The following FCHO2 variants were observed in gnomAD, a reference collection of about 807,000 sequenced individuals.
The protein encoded by FCHO2 is F-BAR domain only protein 2.
A neutral mutation model predicts 114.1 loss-of-function variants in FCHO2; 43 were observed. That is an observed-to-expected ratio of 0.38 (90% confidence interval 0.30 to 0.49). The LOEUF is 0.49. Ranked by LOEUF, FCHO2 falls within the 20% of genes least tolerant of loss-of-function variation. FCHO2 has a pLI of 0.97. For missense variants in FCHO2, 807 were observed against 950.4 expected, an observed-to-expected ratio of 0.85 and a Z score of 1.98; for synonymous variants, 293 against 315.2, an observed-to-expected ratio of 0.93 and a Z score of 0.75.
chr5:73,033,754 A>G (rs1262941490), intron 8 of FCHO2, among the ~76,000 whole-genome samples: 2 of 152,190 alleles, frequency 1.3e-5, no homozygotes, highest in African/African-American at 4.8e-5. Flanking sequence ...CTTCTGGGAT[A>G]TTTCATTAGG....
intron 2 of FCHO2, 43 bp downstream of exon 2, chr5:72,968,632 G>A: frequency 7.5e-7 from 1 of 1,325,500 alleles, no homozygotes; most frequent in Non-Finnish European, 1.0e-6. Context: ...CAACTTAATA[G>A]CAATTTAAAT....
chr5:72,987,745 C>T (rs1434801864), intron 2 of FCHO2, among the ~76,000 whole-genome samples: 1 of 152,106 alleles, frequency 6.6e-6, no homozygotes, highest in Non-Finnish European at 1.5e-5. Flanking sequence ...AAGTATTACT[C>T]TTGTAGTAAT....
At chr5:73,048,592 T>C (rs1232638934) in intron 11 of FCHO2, among the ~76,000 whole-genome samples, 1 of 152,214 alleles carries the variant, frequency 6.6e-6, no homozygotes, top group Non-Finnish European at 1.5e-5. Context: ...CTTGGACATT[T>C]AGGTAATTTC....
intron 1 of FCHO2, among the ~76,000 whole-genome samples, chr5:72,961,310 A>G (rs549798414): frequency 2.0e-5 from 3 of 152,286 alleles, no homozygotes; most frequent in Admixed American, 1.3e-4. Flanking sequence ...TTTAAAATAT[A>G]TATCTTTAGC....
chr5:73,085,478 G>A (rs1045234532), intron 24 of FCHO2, among the ~76,000 whole-genome samples: 2 of 151,704 alleles, frequency 1.3e-5, no homozygotes, highest in African/African-American at 2.4e-5. Flanking sequence ...TCAAGCCTTT[G>A]AAAAGAATAT....
intron 23 of FCHO2, 49 bp from the exon 24 acceptor site, chr5:73,082,712 C>T: frequency 7.0e-7 from 1 of 1,420,936 alleles, no homozygotes; most frequent in Non-Finnish European, 9.6e-7. Context: ...ATTCATGTAT[C>T]AGGTACTATA....
At chr5:73,084,036 C>T (rs978327928) in intron 24 of FCHO2, among the ~76,000 whole-genome samples, 9 of 152,106 alleles carry the variant, frequency 5.9e-5, no homozygotes, top group South Asian at 2.1e-4. Flanking sequence ...AGTTATGCTT[C>T]TCTCACTAAG....
intron 5 of FCHO2, among the ~76,000 whole-genome samples, chr5:73,004,709 G>T (rs1561440410): frequency 6.6e-6 from 1 of 152,066 alleles, no homozygotes; most frequent in Non-Finnish European, 1.5e-5. Context: ...GGTCAGATGG[G>T]TAGTGCAGTG....
chr5:73,065,704 T>TG (rs1258710852), intron 18 of FCHO2, among the ~76,000 whole-genome samples: 2 of 152,082 alleles, frequency 1.3e-5, no homozygotes, highest in African/African-American at 4.8e-5. Flanking sequence ...GTTTTCTACT[T>TG]GCAAATATCT....
rs1248574306 is a variant in FCHO2, at chr5:73,054,417, A to G, written c.1186-108A>G. On this transcript the variant is annotated intron_variant, in intron 14 of 25. Coordinates refer to ENST00000430046, the MANE Select transcript of FCHO2 (RefSeq NM_138782.3). The stretch of plus-strand genomic sequence containing the variant: ...GTAAATACACTTTACAATTGAGCAG[A>G]TATACTAAAAACAACATAAAATTAG... 1.4e-5 allele frequency: 14 copies of G among 1,001,918 alleles called. No individual in the cohort carries two copies. The Admixed American group carries it at 3.0e-4, about 22-fold the overall frequency. 62.1% of individuals were successfully genotyped at this position (1,001,918 alleles called of 1,614,324 possible).
In FCHO2 at chr5:73,023,688, G is replaced by A. The variant is rs377161569; in HGVS notation, c.796+6380G>A. Among the ~76,000 whole-genome samples the A allele has an allele frequency of 1.7e-3, 248 of 147,884 alleles. 1 individual carries two copies. Among genetic ancestry groups the A allele is most frequent in the African/African-American group, 5.8e-3 (233 of 40,324 alleles). On this transcript the variant is annotated intron_variant, in intron 8 of 25. Coordinates refer to ENST00000430046, the MANE Select transcript of FCHO2 (RefSeq NM_138782.3). The stretch of plus-strand genomic sequence containing the variant: ...GCACTCCAGCCTAGGCAACAAGAGC[G>A]AAACTCCATCTCAAAAAAAAAAAAA...
In FCHO2 at chr5:73,020,635, G is replaced by A. The variant is rs1450659213; in HGVS notation, c.796+3327G>A. On this transcript the variant is annotated intron_variant, in intron 8 of 25. Transcript: ENST00000430046. ...GGGTTGGAGGTGGGGTTGGTAGAAG[G>A]AGGACTTTCAAGTTCCAGTTATTAA... The A allele has an allele frequency of 3.5e-6, 3 of 853,810 alleles. No individual in the cohort carries two copies. The Admixed American group carries it at 5.5e-5, about 16-fold the overall frequency. 52.9% of individuals were successfully genotyped at this position (853,810 alleles called of 1,614,324 possible).
chr5:73,049,676 T>C (rs983917249), intron 11 of FCHO2, among the ~76,000 whole-genome samples: 4 of 152,220 alleles, frequency 2.6e-5, no homozygotes, highest in African/African-American at 4.8e-5. Flanking sequence ...TTTCAACTTA[T>C]GGGAATTTTA....
intron 6 of FCHO2, among the ~76,000 whole-genome samples, chr5:73,008,383 A>G (rs990197310): frequency 1.3e-5 from 2 of 152,152 alleles, no homozygotes; most frequent in African/African-American, 4.8e-5. Context: ...AAGTGAATGC[A>G]TTGGAGATGG....
chr5:73,037,430 A>G (rs926009956), intron 10 of FCHO2, among the ~76,000 whole-genome samples: 1 of 152,050 alleles, frequency 6.6e-6, no homozygotes, highest in Admixed American at 6.6e-5. Flanking sequence ...ATGTTAAGAC[A>G]TTATAGACAA....
rs890743143 is a variant in FCHO2 at position 73,090,383 on chromosome 5, T to C, written c.*2293T>C. ...TCTAATAAATGTGAGTTTTAAAGGA[T>C]TGTTATTTACTACTTTGGATTGTAA... is the stretch of plus-strand genomic sequence containing the variant. On this transcript the variant is annotated 3_prime_UTR_variant, in exon 26 of 26. Transcript: ENST00000430046. The C allele has an allele frequency of 6.6e-5, 10 of 152,640 alleles. No individual in the cohort carries two copies. The highest frequency in any genetic ancestry group is 2.0e-4 in the Admixed American group (3 of 15,282). The allele number at this position is 152,640 out of a possible 1,614,324, so 9.5% of individuals were successfully genotyped here.
chr5:72,961,287 A>G (rs570964777), intron 1 of FCHO2, among the ~76,000 whole-genome samples: 1 of 152,282 alleles, frequency 6.6e-6, no homozygotes, highest in South Asian at 2.1e-4. Flanking sequence ...GGGGTTATGT[A>G]TCCATATGAA....
chr5:73,032,166 C>A (rs970675698), intron 8 of FCHO2, among the ~76,000 whole-genome samples: 2 of 152,102 alleles, frequency 1.3e-5, no homozygotes, highest in Admixed American at 6.5e-5. Context: ...AAAGCCTTGC[C>A]ATGTGAAGCG....
chr5:73,083,251 CT>C (rs1163696854), intron 24 of FCHO2, among the ~76,000 whole-genome samples: 1 of 152,036 alleles, frequency 6.6e-6, no homozygotes, highest in Non-Finnish European at 1.5e-5. Context: ...AAGTTTCCTC[CT>C]GGAATTTCAT....
Sources: allele counts gnomAD v4.1 joint callset (sites outside exome capture counted in the v4.1 genomes callset), GRCh38; gene constraint gnomAD v4.1.1; transcripts MANE v1.5; gene names NCBI Gene and HGNC (gene_info 2026-07-23, HGNC 2026-07-21).